NCOA7: variants seen among roughly 807,000 people sequenced by gnomAD.
NCOA7 encodes nuclear receptor coactivator 7, also known as 140 kDa estrogen receptor-associated protein.
Under a neutral mutation model 104.3 loss-of-function variants are expected in NCOA7, and 45 were observed. The ratio of observed to expected loss-of-function variants is 0.43; its 90% CI spans 0.34 to 0.55. NCOA7 has a LOEUF of 0.55. Among genes scored for constraint, NCOA7 ranks in the 20% least tolerant of loss-of-function variants. The pLI is 0.02. For missense variants in NCOA7, 1,041 were observed against 1,119.7 expected, an observed-to-expected ratio of 0.93 and a Z score of 1.00; for synonymous variants, 398 against 402.3, an observed-to-expected ratio of 0.99 and a Z score of 0.13.
rs1774793420 is a variant in NCOA7 at position 125,791,031 on chromosome 6, C to T, written c.-101C>T. 6.5e-6 allele frequency: 1 copy of T among 152,718 alleles called. No individual in the cohort carries two copies. Among genetic ancestry groups the T allele is most frequent in the South Asian group, 2.1e-4 (1 of 4,846 alleles). The allele number at this position is 152,718 out of a possible 1,614,324, so 9.5% of individuals were successfully genotyped here. On this transcript the variant is annotated 5_prime_UTR_variant, in exon 1 of 16. Coordinates refer to ENST00000392477, the MANE Select transcript of NCOA7 (RefSeq NM_181782.5). ...AGAAATGCATGCGACCGATCCCCTT[C>T]TCCCGGACCCCAGGAGCCGGCGCCC...
At chr6:125,792,125 T>C (rs963076881) in intron 1 of NCOA7, among the ~76,000 whole-genome samples, 1 of 152,198 alleles carries the variant, frequency 6.6e-6, no homozygotes, top group Non-Finnish European at 1.5e-5. Flanking sequence ...ACCCATTAGT[T>C]ATTTGTTGAA....
intron 10 of NCOA7, among the ~76,000 whole-genome samples, chr6:125,893,113 A>G (rs1430060584): frequency 6.6e-6 from 1 of 152,230 alleles, no homozygotes; most frequent in Non-Finnish European, 1.5e-5. Flanking sequence ...AGTGGCATGT[A>G]CAGCTTTTCT....
intron 3 of NCOA7, among the ~76,000 whole-genome samples, chr6:125,857,156 T>G (rs1412451367): frequency 6.6e-6 from 1 of 152,236 alleles, no homozygotes; most frequent in Non-Finnish European, 1.5e-5. Context: ...GTACTATTAA[T>G]AAACTTCCTT....
intron 1 of NCOA7, among the ~76,000 whole-genome samples, chr6:125,799,747 T>C (rs1775716323): frequency 6.6e-6 from 1 of 152,172 alleles, no homozygotes; most frequent in Non-Finnish European, 1.5e-5. Context: ...GGGCCAGTTC[T>C]TATAGTAAGC....
At chr6:125,884,493 G>A (rs556440668) in intron 7 of NCOA7, among the ~76,000 whole-genome samples, 6 of 152,212 alleles carry the variant, frequency 3.9e-5, no homozygotes, top group South Asian at 2.1e-4. Flanking sequence ...GATAATATCC[G>A]TATGGCCATT....
chr6:125,894,582 A>C (rs1178790574), intron 10 of NCOA7, among the ~76,000 whole-genome samples: 1 of 152,234 alleles, frequency 6.6e-6, no homozygotes, highest in African/African-American at 2.4e-5. Context: ...CGTGAAGTTT[A>C]AAGTTCAATG....
At chr6:125,809,445 AGT>A (rs1776761968) in intron 1 of NCOA7, among the ~76,000 whole-genome samples, 2 of 152,056 alleles carry the variant, frequency 1.3e-5, no homozygotes, top group African/African-American at 4.8e-5. Flanking sequence ...AGCCTCCCAA[AGT>A]GCTGGGAATA....
chr6:125,844,193 G>T (rs913046870), intron 2 of NCOA7, among the ~76,000 whole-genome samples: 7 of 152,324 alleles, frequency 4.6e-5, no homozygotes, highest in African/African-American at 1.7e-4. Context: ...GTTGTTCTTT[G>T]AGGCTAGGGG....
intron 3 of NCOA7, among the ~76,000 whole-genome samples, chr6:125,872,882 A>G (rs575769305): frequency 2.0e-5 from 3 of 152,302 alleles, no homozygotes; most frequent in Non-Finnish European, 2.9e-5. Context: ...ATCATTTTTT[A>G]TAGTCTAGAG....
intron 11 of NCOA7, among the ~76,000 whole-genome samples, chr6:125,918,001 C>T (rs1351642760): frequency 6.6e-6 from 1 of 152,110 alleles, no homozygotes. Context: ...CTCTTGTTTC[C>T]GACTTGTGAA....
chr6:125,855,767 T>C (rs903691559), intron 3 of NCOA7, among the ~76,000 whole-genome samples: 2 of 151,966 alleles, frequency 1.3e-5, no homozygotes, highest in African/African-American at 4.8e-5. Flanking sequence ...CACTGCAACC[T>C]CTGCCTCCCA....
intron 2 of NCOA7, among the ~76,000 whole-genome samples, chr6:125,846,075 T>C (rs1437183236): frequency 6.6e-6 from 1 of 152,198 alleles, no homozygotes; most frequent in Non-Finnish European, 1.5e-5. Context: ...CTGGTCAATT[T>C]TGATATTTTC....
chr6:125,908,099 T>C (rs1786193934), intron 10 of NCOA7, among the ~76,000 whole-genome samples: 1 of 152,202 alleles, frequency 6.6e-6, no homozygotes, highest in Admixed American at 6.5e-5. Context: ...CTAGATTTAC[T>C]ACTCACAGAA....
intron 3 of NCOA7, chr6:125,855,470 G>A: frequency 2.4e-6 from 1 of 413,030 alleles, no homozygotes; most frequent in South Asian, 3.2e-5. Context: ...AGAATGTATT[G>A]TGTACTACTA....
intron 3 of NCOA7, among the ~76,000 whole-genome samples, chr6:125,873,265 C>T (rs1022449373): frequency 6.6e-5 from 10 of 152,162 alleles, no homozygotes; most frequent in Non-Finnish European, 1.3e-4. Flanking sequence ...TGTCATTTAT[C>T]ATTCATTCCC....
intron 8 of NCOA7, among the ~76,000 whole-genome samples, chr6:125,886,722 A>G (rs974980722): frequency 2.6e-5 from 4 of 152,270 alleles, no homozygotes; most frequent in Non-Finnish European, 5.9e-5. Context: ...TCAGAACTTC[A>G]TAAGTTGTTT....
intron 2 of NCOA7, among the ~76,000 whole-genome samples, chr6:125,853,868 T>G (rs1781333775): frequency 6.6e-6 from 1 of 152,144 alleles, no homozygotes; most frequent in South Asian, 2.1e-4. Context: ...GAGGTCAGAG[T>G]TCTCTTAAGT....
intron 1 of NCOA7, among the ~76,000 whole-genome samples, chr6:125,807,078 C>CA: frequency 6.6e-6 from 1 of 152,246 alleles, no homozygotes; most frequent in South Asian, 2.1e-4. Flanking sequence ...ACCTACCTCT[C>CA]AGACAGTTCT....
At chr6:125,783,901 A>G (rs369657544) in intron 1 of NCOA7, among the ~76,000 whole-genome samples, 1 of 152,140 alleles carries the variant, frequency 6.6e-6, no homozygotes, top group South Asian at 2.1e-4. Context: ...GTTTTTGACA[A>G]CTGCAGGGTA....
Sources: allele counts gnomAD v4.1 joint callset (sites outside exome capture counted in the v4.1 genomes callset), GRCh38; gene constraint gnomAD v4.1.1; transcripts MANE v1.5; gene names NCBI Gene and HGNC (gene_info 2026-07-23, HGNC 2026-07-21).